GPC5: variants seen among roughly 807,000 people sequenced by gnomAD.
GPC5 encodes the protein glypican-5.
GPC5 carries 47 observed loss-of-function variants against 53.9 expected under a neutral mutation model. That is an observed-to-expected ratio of 0.87 (90% CI 0.69 to 1.11). The LOEUF (loss-of-function observed/expected upper bound fraction) is 1.11, where lower values mean the gene tolerates loss of function less well. Among genes scored for constraint, GPC5 ranks in the 50% most tolerant of loss-of-function variants. GPC5 has a pLI of 0.00. For missense variants in GPC5, 748 were observed against 713.1 expected (o/e 1.05, Z -0.56); for synonymous variants, 286 against 263.3 (o/e 1.09, Z -0.84).
At chr13:92,422,506 A>C (rs750245664) in intron 7 of GPC5, among the ~76,000 whole-genome samples, 4 of 145,430 alleles carry the variant, frequency 2.8e-5, no homozygotes, top group Admixed American at 2.7e-4. Context: ...ACACACACAC[A>C]CACACACACA....
intron 7 of GPC5, among the ~76,000 whole-genome samples, chr13:92,613,647 TATATA>T (rs1386707605): frequency 7.3e-6 from 1 of 136,282 alleles, no homozygotes; most frequent in Non-Finnish European, 1.5e-5. Context: ...AAATATTAAA[TATATA>T]ATATTTATAT....
intron 6 of GPC5, among the ~76,000 whole-genome samples, chr13:92,127,438 A>G (rs2041708147): frequency 6.6e-6 from 1 of 152,194 alleles, no homozygotes; most frequent in Non-Finnish European, 1.5e-5. Flanking sequence ...CCAATGATTT[A>G]AAATAATCAG....
At chr13:92,142,051 T>C (rs914800328) in intron 6 of GPC5, among the ~76,000 whole-genome samples, 33 of 152,158 alleles carry the variant, frequency 2.2e-4, no homozygotes, top group Non-Finnish European at 4.3e-4. Flanking sequence ...AGAGGAAACT[T>C]TGGGGGACAG....
At chr13:92,099,715 C>T (rs1436167348) in intron 6 of GPC5, among the ~76,000 whole-genome samples, 1 of 152,158 alleles carries the variant, frequency 6.6e-6, no homozygotes, top group Non-Finnish European at 1.5e-5. Flanking sequence ...TTGTCTTGGA[C>T]TCAGCCTAAG....
chr13:92,792,051 T>C (rs1468756158), intron 7 of GPC5, among the ~76,000 whole-genome samples: 1 of 151,306 alleles, frequency 6.6e-6, no homozygotes, highest in Non-Finnish European at 1.5e-5. Flanking sequence ...GGATGAAGAG[T>C]GATAAAGAGA....
At chr13:92,225,239 T>A (rs2042476824) in intron 7 of GPC5, among the ~76,000 whole-genome samples, 1 of 152,260 alleles carries the variant, frequency 6.6e-6, no homozygotes, top group Non-Finnish European at 1.5e-5. Context: ...ATTTATGGCA[T>A]TAATCGACCT....
At chr13:91,406,913 G>A (rs1488411103) in intron 1 of GPC5, among the ~76,000 whole-genome samples, 2 of 152,058 alleles carry the variant, frequency 1.3e-5, no homozygotes, top group African/African-American at 4.8e-5. Flanking sequence ...CCACGTATGG[G>A]TCAATACTTA....
intron 6 of GPC5, among the ~76,000 whole-genome samples, chr13:92,082,112 A>G (rs977487035): frequency 6.6e-6 from 1 of 152,064 alleles, no homozygotes; most frequent in African/African-American, 2.4e-5. Flanking sequence ...AGCATTTCTC[A>G]CCTTAATTAA....
intron 7 of GPC5, among the ~76,000 whole-genome samples, chr13:92,441,424 T>C (rs916436678): frequency 6.6e-6 from 1 of 152,216 alleles, no homozygotes; most frequent in African/African-American, 2.4e-5. Context: ...GAAATGATTC[T>C]ATACTAAGAA....
chr13:92,182,883 A>G (rs908426594), intron 7 of GPC5, among the ~76,000 whole-genome samples: 1 of 144,504 alleles, frequency 6.9e-6, no homozygotes. Flanking sequence ...AAAGAAAAAA[A>G]AAAAAAAGTA....
chr13:92,767,727 C>T (rs1039790978), intron 7 of GPC5, among the ~76,000 whole-genome samples: 7 of 152,214 alleles, frequency 4.6e-5, no homozygotes, highest in African/African-American at 9.6e-5. Flanking sequence ...GAGGAAAGTA[C>T]GTACACAATG....
At chr13:91,455,761 A>G (rs1186869416) in intron 2 of GPC5, among the ~76,000 whole-genome samples, 1 of 152,010 alleles carries the variant, frequency 6.6e-6, no homozygotes, top group African/African-American at 2.4e-5. Flanking sequence ...CTTTTAAAAA[A>G]TTTGCTGTTG....
At chr13:92,845,445 A>G (rs1447727215) in intron 7 of GPC5, among the ~76,000 whole-genome samples, 2 of 152,126 alleles carry the variant, frequency 1.3e-5, no homozygotes, top group Non-Finnish European at 2.9e-5. Flanking sequence ...CTTGAAACCC[A>G]GGAAAAAAGT....
intron 6 of GPC5, among the ~76,000 whole-genome samples, chr13:92,057,460 AG>A (rs2041084824): frequency 6.6e-6 from 1 of 152,224 alleles, no homozygotes; most frequent in Non-Finnish European, 1.5e-5. Context: ...CCCTAAGTTC[AG>A]GGGTAACTTG....
intron 5 of GPC5, among the ~76,000 whole-genome samples, chr13:91,904,148 T>C (rs1399480449): frequency 2.9e-3 from 423 of 146,066 alleles, no homozygotes; most frequent in Non-Finnish European, 5.4e-3. Context: ...TTCTTTTTTT[T>C]TTTTTTTTTT....
At chr13:92,693,451 A>C (rs1269547173) in intron 7 of GPC5, among the ~76,000 whole-genome samples, 1 of 152,164 alleles carries the variant, frequency 6.6e-6, no homozygotes, top group Non-Finnish European at 1.5e-5. Context: ...AGGTGGTCTC[A>C]GGTGGAGATA....
At chr13:91,984,499 C>G (rs988192317) in intron 6 of GPC5, among the ~76,000 whole-genome samples, 3 of 152,148 alleles carry the variant, frequency 2.0e-5, no homozygotes, top group African/African-American at 7.2e-5. Flanking sequence ...TAGGGTTGTA[C>G]TGCAAAGAGC....
intron 2 of GPC5, among the ~76,000 whole-genome samples, chr13:91,526,355 T>C (rs1217423756): frequency 6.6e-6 from 1 of 152,078 alleles, no homozygotes; most frequent in African/African-American, 2.4e-5. Flanking sequence ...CCCTTCCTGG[T>C]AGGGAAGGGT....
rs533081451 is a variant in GPC5 at position 92,210,377 on chromosome 13, G to A, written c.1561+65388G>A. ...AATAGATATTTTAAAAATTGCTTTA[G>A]GAAATTTTGACAATTCTTCTTGAGA... On this transcript the variant is annotated intron_variant, in intron 7 of 7. Transcript: ENST00000377067. 1.4e-4 allele frequency among the ~76,000 whole-genome samples: 22 copies of A among 152,154 alleles called. 1 individual carries two copies. The South Asian group carries it at 2.9e-3, about 20-fold the overall frequency.
Sources: gnomAD v4.1 joint callset for allele counts (sites outside exome capture counted in the v4.1 genomes callset) on GRCh38, gnomAD v4.1.1 for gene constraint, MANE v1.5 for transcripts, NCBI Gene and HGNC (gene_info 2026-07-23, HGNC 2026-07-21) for gene names.